UGT1A5: variants seen among roughly 807,000 people sequenced by gnomAD.
UGT1A5 encodes UDP glucuronosyltransferase family 1 member A5, also known as UDP-glucuronosyltransferase 1A5.
A neutral mutation model predicts 40.3 loss-of-function variants in UGT1A5; 29 were observed. That is an observed-to-expected ratio of 0.72 (90% CI 0.54 to 0.98). The LOEUF is 0.98. UGT1A5 is among the 50% of genes least tolerant of loss of function. The probability of loss-of-function intolerance (pLI) is 0.00; values close to 1 mark genes in which losing one functional copy is unlikely to be tolerated. For synonymous variants in UGT1A5, 257 were observed against 262.5 expected (o/e 0.98, Z 0.20); for missense variants, 678 against 677.9 (o/e 1.00, Z 0.00).
intron 1 of UGT1A5, chr2:233,730,086 CTTTCCAAATATTTCA>C: frequency 1.2e-6 from 2 of 1,600,798 alleles, no homozygotes; most frequent in Non-Finnish European, 1.7e-6. Flanking sequence ...ATTTACTTAT[CTTTCCAAATATTTCA>C]TTTCTGCTTC....
intron 1 of UGT1A5, chr2:233,718,623 G>A (rs1281711935): frequency 9.0e-6 from 8 of 892,530 alleles, no homozygotes; most frequent in Non-Finnish European, 1.1e-5. Context: ...AGGCGTGATT[G>A]GTCTTTCCCA....
intron 1 of UGT1A5, among the ~76,000 whole-genome samples, chr2:233,724,137 G>A (rs1240134584): frequency 1.9e-4 from 22 of 114,476 alleles, no homozygotes; most frequent in Non-Finnish European, 2.5e-4. Context: ...CCTCCCGGAC[G>A]GGGCGGCTGG....
At chr2:233,729,022 G>A (rs1236460241) in intron 1 of UGT1A5, 8 of 1,594,664 alleles carry the variant, frequency 5.0e-6, no homozygotes, top group South Asian at 4.6e-5. Flanking sequence ...CCAATTACAC[G>A]TTGATTTGCT....
chr2:233,754,974 ACCTCGG>A (rs1369157258), intron 1 of UGT1A5: 6 of 1,299,856 alleles, frequency 4.6e-6, no homozygotes, highest in Non-Finnish European at 6.2e-6. Context: ...CTCCCTGAAG[ACCTCGG>A]CGGGGTCACG....
chr2:233,735,495 A>G (rs1383216559), intron 1 of UGT1A5, among the ~76,000 whole-genome samples: 1 of 152,188 alleles, frequency 6.6e-6, no homozygotes, highest in Non-Finnish European at 1.5e-5. Context: ...TAATTGCAGC[A>G]TTTAGCCCAT....
chr2:233,760,041 G>A (rs1458038785), intron 1 of UGT1A5, among the ~76,000 whole-genome samples: 2 of 152,178 alleles, frequency 1.3e-5, no homozygotes, highest in Admixed American at 6.5e-5. Context: ...GTACTTTGCT[G>A]TGTTCACTCA....
chr2:233,743,502 T>C (rs1233244952), intron 1 of UGT1A5: 12 of 1,366,994 alleles, frequency 8.8e-6, no homozygotes, highest in African/African-American at 1.5e-5. Context: ...AGAAAAGGGG[T>C]GCAGACGCTC....
At chr2:233,747,385 C>G in intron 1 of UGT1A5, 2 of 1,604,764 alleles carry the variant, frequency 1.2e-6, no homozygotes, top group East Asian at 4.5e-5. Flanking sequence ...GGCCACCAGG[C>G]GGTGGTCCTC....
intron 1 of UGT1A5, chr2:233,748,143 A>G (rs1693880187): frequency 6.2e-7 from 1 of 1,607,740 alleles, no homozygotes; most frequent in Non-Finnish European, 8.5e-7. Flanking sequence ...AATTGTATTT[A>G]CTTACAATTG....
At chr2:233,745,609 C>A (rs1421404648) in intron 1 of UGT1A5, among the ~76,000 whole-genome samples, 2 of 151,524 alleles carry the variant, frequency 1.3e-5, no homozygotes, top group Admixed American at 6.6e-5. Context: ...ACTTGGTAAG[C>A]ACACAATGAA....
In UGT1A5 at chr2:233,772,556, T is replaced by C; in HGVS notation, c.1602T>C (p.His534=). ...AGAAAGCCCACAAATCCAAGACCCA[T>C]TGAGAAGTGGGTGGGAAATAAGGTA... is the stretch of plus-strand genomic sequence containing the variant. ...RVKKAHKSKT[H] The change falls in exon 5 of 5, where the codon CAT becomes CAC. Residue 534 remains histidine, a synonymous_variant. Transcript: ENST00000373414. 2.5e-6 allele frequency: 4 copies of C among 1,613,872 alleles called. No homozygotes were observed. The highest frequency in any genetic ancestry group is 2.7e-5 in the African/African-American group (2 of 75,014).
intron 1 of UGT1A5, among the ~76,000 whole-genome samples, chr2:233,763,057 G>T (rs920282385): frequency 6.6e-6 from 1 of 152,282 alleles, no homozygotes; most frequent in South Asian, 2.1e-4. Context: ...TATTGATTTA[G>T]ATAATTTCCT....
intron 1 of UGT1A5, among the ~76,000 whole-genome samples, chr2:233,716,653 C>A (rs2076518106): frequency 6.6e-6 from 1 of 152,046 alleles, no homozygotes; most frequent in African/African-American, 2.4e-5. Flanking sequence ...TTTTTGTACC[C>A]TAAGGAAGCT....
intron 1 of UGT1A5, among the ~76,000 whole-genome samples, chr2:233,721,033 A>G (rs1484813936): frequency 6.6e-6 from 1 of 152,106 alleles, no homozygotes; most frequent in Non-Finnish European, 1.5e-5. Flanking sequence ...TTCTTGTGAG[A>G]GAATTGAGCC....
chr2:233,748,554 C>G (rs1045487950), intron 1 of UGT1A5, among the ~76,000 whole-genome samples: 1 of 151,692 alleles, frequency 6.6e-6, no homozygotes, highest in African/African-American at 2.4e-5. Context: ...CCTAAGCACT[C>G]GCAGGAAGTA....
chr2:233,728,344 T>C (rs965665608), intron 1 of UGT1A5, among the ~76,000 whole-genome samples: 5 of 152,226 alleles, frequency 3.3e-5, no homozygotes, highest in African/African-American at 4.8e-5. Context: ...AGTCCCTTGG[T>C]GAGCAGGAGC....
chr2:233,729,775 C>G (rs775577941), intron 1 of UGT1A5: 2 of 1,613,826 alleles, frequency 1.2e-6, no homozygotes, highest in East Asian at 2.2e-5. Context: ...CATGCTCTAC[C>G]CTCTGGCCCT....
chr2:233,760,908 G>A lies in UGT1A5; in HGVS notation c.868-6126G>A, dbSNP rs1697607352. On this transcript the variant is annotated intron_variant, in intron 1 of 4. Coordinates refer to ENST00000373414, the MANE Select transcript of UGT1A5 (RefSeq NM_019078.2). ...CTCATTCAGATCACATGACCTTCCT[G>A]CAGCGGGTGAAGAACATGCTCATTG... 7 of 1,614,034 alleles carry A rather than the reference G, an allele frequency of 4.3e-6. No individual in the cohort carries two copies. The Middle Eastern group carries it at 6.6e-4, about 152-fold the overall frequency.
chr2:233,714,710 CT>C (rs1032824553), intron 1 of UGT1A5, among the ~76,000 whole-genome samples: 9 of 152,108 alleles, frequency 5.9e-5, no homozygotes, highest in African/African-American at 1.4e-4. Context: ...TTTAACGTAG[CT>C]TTTTTTGTTG....
Sources: gnomAD v4.1 joint callset for allele counts (sites outside exome capture counted in the v4.1 genomes callset) on GRCh38, gnomAD v4.1.1 for gene constraint, MANE v1.5 for transcripts, NCBI Gene and HGNC (gene_info 2026-07-23, HGNC 2026-07-21) for gene names.